The following CATSPER4 variants were observed in gnomAD, a reference collection of about 807,000 sequenced individuals.
CATSPER4 encodes the protein cation channel sperm associated 4.
A neutral mutation model predicts 54.4 loss-of-function variants in CATSPER4; 46 were observed. The ratio of observed to expected loss-of-function variants is 0.84; its 90% CI spans 0.67 to 1.08. The LOEUF is 1.08. CATSPER4 is among the 50% of genes least tolerant of loss of function. The pLI is 0.00. For synonymous variants in CATSPER4, 230 were observed against 231.9 expected (o/e 0.99, Z 0.08); for missense variants, 574 against 612.8 (o/e 0.94, Z 0.67).
In CATSPER4 at chr1:26,200,826, C is replaced by T; in HGVS notation, c.988-4C>T. The T allele has an allele frequency of 6.2e-7, 1 of 1,613,362 alleles. No homozygotes were observed. The highest frequency in any genetic ancestry group is 1.1e-5 in the South Asian group (1 of 91,058). On this transcript the variant is annotated splice_polypyrimidine_tract_variant and splice_region_variant and intron_variant, in intron 7 of 9. Coordinates refer to ENST00000456354, the MANE Select transcript of CATSPER4 (RefSeq NM_198137.2). Reference sequence around the variant, plus strand: ...CCGACCCCTCTCTATCCCCCGCTTCCCAGACAGGCGCAGAGGAAGAGGAGG... The same window carrying T: ...CCGACCCCTCTCTATCCCCCGCTTCTCAGACAGGCGCAGAGGAAGAGGAGG...
rs74711428 is a variant in CATSPER4, at chr1:26,199,023, G to A, written c.812+604G>A. ...GTAGTGGATAAAAATCAGGCTGGCC[G>A]GGGCCGGGCGCGGTGGCTCACGCCT... On this transcript the variant is annotated intron_variant, in intron 6 of 9. Transcript: ENST00000456354. Among the ~76,000 whole-genome samples, 1,091 of 152,258 alleles carry A rather than the reference G, an allele frequency of 7.2e-3. 11 individuals are homozygous for A. The highest frequency in any genetic ancestry group is 0.023 in the African/African-American group (966 of 41,554).
chr1:26,197,871 T>C, intron 4 of CATSPER4, 86 bp from the exon 5 acceptor site: 1 of 1,604,242 alleles, frequency 6.2e-7, no homozygotes, highest in Non-Finnish European at 8.5e-7. Flanking sequence ...GAGATCAGCT[T>C]TGCCTCTCTG....
chr1:26,195,411 G>A (rs2124524855), intron 3 of CATSPER4, among the ~76,000 whole-genome samples: 1 of 152,330 alleles, frequency 6.6e-6, no homozygotes, highest in Admixed American at 6.5e-5. Context: ...ATGGCAGAAG[G>A]TGAAGCATGT....
At position 26,201,054 on chromosome 1, in the gene CATSPER4, ACT is replaced by A; in HGVS notation, c.1199+14_1199+15del. The A allele has an allele frequency of 6.3e-7, 1 of 1,599,406 alleles. No homozygotes were observed. Among genetic ancestry groups the A allele is most frequent in the Non-Finnish European group, 8.6e-7 (1 of 1,166,554 alleles). ...ATGAACTCAACATGTAGGGGAGGGT[ACT>A]GGGGCTGCCCCCAAGTCATGTGAGT... On this transcript the variant is annotated intron_variant, in intron 8 of 9. Transcript: ENST00000456354.
rs767348883 is a variant in CATSPER4, at chr1:26,190,772, A to G, written c.145A>G (p.Ile49Val). 10 of 1,613,566 alleles carry G rather than the reference A, an allele frequency of 6.2e-6. No homozygotes were observed. In the East Asian group the frequency reaches 1.8e-4, roughly 29 times the overall value. Residue 49 changes from isoleucine (I) to valine (V), a missense_variant, in exon 1 of 10, where the codon ATT (isoleucine) becomes GTT (valine). Coordinates refer to ENST00000456354, the MANE Select transcript of CATSPER4 (RefSeq NM_198137.2). ...RGRPSPLQST[I>V]HESYGRPEEQ... ...CCGCCCCTCTCCCCTGCAGAGTACC[A>G]TTCACGAGTCCTACGGTCGGCCAGA...
chr1:26,199,821 T>A (rs2124529043), intron 6 of CATSPER4, 63 bp from the exon 7 acceptor site: 1 of 1,582,228 alleles, frequency 6.3e-7, no homozygotes, highest in Non-Finnish European at 8.7e-7. Flanking sequence ...CCCATTTCAA[T>A]GACAAGGAAA....
At chr1:26,191,147 T>C in intron 1 of CATSPER4, 140 bp from the exon 2 acceptor site, 2 of 965,974 alleles carry the variant, frequency 2.1e-6, no homozygotes, top group Admixed American at 4.1e-5. Context: ...TACACTGATG[T>C]CTCCATTCCA....
At chr1:26,197,846 G>A (rs537977279) in intron 4 of CATSPER4, 63 bp downstream of exon 4, 6 of 1,605,832 alleles carry the variant, frequency 3.7e-6, no homozygotes, top group Middle Eastern at 1.8e-4. Flanking sequence ...GAGATGGGGG[G>A]ATAACGACCA....
intron 6 of CATSPER4, 96 bp downstream of exon 6, chr1:26,198,515 G>A: frequency 2.0e-6 from 3 of 1,524,712 alleles, no homozygotes; most frequent in Non-Finnish European, 2.7e-6. Flanking sequence ...GGATTGGGAT[G>A]AGGATGGCCC....
intron 2 of CATSPER4, 50 bp downstream of exon 2, chr1:26,191,480 G>T (rs112294330): frequency 6.2e-7 from 1 of 1,602,238 alleles, no homozygotes; most frequent in Non-Finnish European, 8.5e-7. Flanking sequence ...GGGGGGCCTG[G>T]GGCAAGAACT....
rs953716862 is a variant in CATSPER4 at position 26,197,708 on chromosome 1, T to G, written c.482T>G (p.Phe161Cys). Reference sequence around the variant, plus strand: ...CAGGACGGCTGGAACATCCTCAACTTCATTATCGTCTTTATCTTGCTCTTG... The same window carrying G: ...CAGGACGGCTGGAACATCCTCAACTGCATTATCGTCTTTATCTTGCTCTTG... ...FWKDGWNILN[F>C]IIVFILLLRF... The change falls in exon 4 of 10, where the codon TTC becomes TGC. Residue 161 changes from phenylalanine (F) to cysteine (C), a missense_variant. Phe to Cys is a radical substitution (Grantham distance 205, BLOSUM62 -2). Transcript: ENST00000456354. 3.7e-6 allele frequency: 6 copies of G among 1,613,360 alleles called. No homozygotes were observed. Among genetic ancestry groups the G allele is most frequent in the Non-Finnish European group, 5.1e-6 (6 of 1,179,962 alleles).
Position 26,200,919 on chromosome 1 carries a change from A to G in CATSPER4, c.1077A>G (p.Glu359=), listed in dbSNP as rs1205988963. Residue 359 remains glutamate (E), a synonymous_variant, in exon 8 of 10, where the codon GAA becomes GAG. Coordinates refer to ENST00000456354, the MANE Select transcript of CATSPER4 (RefSeq NM_198137.2). ...ARSEKSGLLQ[E]PLAGGPLSNL... is the part of the protein sequence containing the mutation. Reference sequence around the variant, plus strand: ...CGGAGAAATCTGGTCTCCTCCAGGAACCCCTTGCGGGAGGCCCCCTGTCGA... The same window carrying G: ...CGGAGAAATCTGGTCTCCTCCAGGAGCCCCTTGCGGGAGGCCCCCTGTCGA... 21 of 1,613,788 alleles carry G rather than the reference A, an allele frequency of 1.3e-5. No individual in the cohort carries two copies. The highest frequency in any genetic ancestry group is 2.7e-5 in the African/African-American group (2 of 74,810).
At position 26,197,964 on chromosome 1, in the gene CATSPER4, C is replaced by T. The variant is rs574897954; in HGVS notation, c.565C>T (p.Arg189Cys). The part of the protein sequence containing the change: ...PSINYTLRAL[R>C]LVHVCMAVEP... Reference sequence around the variant, plus strand: ...TGACAGGCTCTGCCACAGGGCGCTTCGTCTGGTGCATGTGTGCATGGCGGT... The same window carrying T: ...TGACAGGCTCTGCCACAGGGCGCTTTGTCTGGTGCATGTGTGCATGGCGGT... The change falls in exon 5 of 10, where the codon CGT becomes TGT. Residue 189 changes from arginine (R) to cysteine (C), a missense_variant. Transcript: ENST00000456354. The T allele has an allele frequency of 3.7e-6, 6 of 1,613,266 alleles. No homozygotes were observed. Among genetic ancestry groups the T allele is most frequent in the East Asian group, 4.5e-5 (2 of 44,870 alleles).
chr1:26,202,366 A>G (rs1420211318), intron 9 of CATSPER4, 123 bp from the exon 10 acceptor site: 1 of 828,640 alleles, frequency 1.2e-6, no homozygotes, highest in East Asian at 2.6e-5. Context: ...CTCAAGTTAG[A>G]CCTATGAAGC....
At position 26,201,643 on chromosome 1, in the gene CATSPER4, C is replaced by A. The variant is rs572718311; in HGVS notation, c.1365+124C>A. The A allele has an allele frequency of 4.8e-4, 402 of 839,052 alleles. 5 individuals are homozygous for A. The South Asian group carries it at 5.7e-3, about 12-fold the overall frequency. The allele number at this position is 839,052 out of a possible 1,614,324, so 52.0% of individuals were successfully genotyped here. A position where few individuals can be genotyped will look rare whatever the true frequency, so the allele number is the denominator to read the frequency against. ...TTCCAAGATCTGGTCCCCCTCACCA[C>A]CACCACCCCTCCTTTTTTTTCTTTT... On this transcript the variant is annotated intron_variant, in intron 9 of 9. Coordinates refer to ENST00000456354, the MANE Select transcript of CATSPER4 (RefSeq NM_198137.2).
In CATSPER4 at chr1:26,200,032, C is replaced by T; in HGVS notation, c.961C>T (p.Gln321Ter). 1 of 1,613,734 alleles carries T rather than the reference C, an allele frequency of 6.2e-7. No individual in the cohort carries two copies. Among genetic ancestry groups the T allele is most frequent in the Non-Finnish European group, 8.5e-7 (1 of 1,179,818 alleles). ...EQMMKAGEQG[Q>*]QQRITFSETG... Reference sequence around the variant, plus strand: ...AATGATGAAGGCAGGAGAGCAGGGACAACAGCAACGAATAACCTTTAGTGA... The same window carrying T: ...AATGATGAAGGCAGGAGAGCAGGGATAACAGCAACGAATAACCTTTAGTGA... The change falls in exon 7 of 10, where the codon CAA becomes TAA. Residue 321 changes from glutamine (Q) to a stop codon, truncating the protein, a stop_gained. Coordinates refer to ENST00000456354, the MANE Select transcript of CATSPER4 (RefSeq NM_198137.2). LOFTEE classifies it high-confidence loss of function.
At chr1:26,198,248 T>C in intron 5 of CATSPER4, 38 bp from the exon 6 acceptor site, 1 of 1,614,216 alleles carries the variant, frequency 6.2e-7, no homozygotes, top group Non-Finnish European at 8.5e-7. Context: ...TCCAGGCCCT[T>C]TGGTGAAGTC....
At chr1:26,202,337 A>G in intron 9 of CATSPER4, 152 bp from the exon 10 acceptor site, 1 of 722,320 alleles carries the variant, frequency 1.4e-6, no homozygotes. Flanking sequence ...TCCCAAACTC[A>G]GAGGGGGTAC....
chr1:26,194,885 G>C (rs929279688), intron 3 of CATSPER4, among the ~76,000 whole-genome samples: 1 of 152,152 alleles, frequency 6.6e-6, no homozygotes, highest in African/African-American at 2.4e-5. Flanking sequence ...CTAGGAGTTT[G>C]AGACAGACTG....
Sources: gnomAD v4.1 joint callset for allele counts (sites outside exome capture counted in the v4.1 genomes callset) on GRCh38, gnomAD v4.1.1 for gene constraint, MANE v1.5 for transcripts, NCBI Gene and HGNC (gene_info 2026-07-23, HGNC 2026-07-21) for gene names.